PRKN: variants seen among roughly 807,000 people sequenced by gnomAD.
PRKN encodes the protein parkin RBR E3 ubiquitin protein ligase, also known as E3 ubiquitin-protein ligase parkin.
PRKN carries 56 observed loss-of-function variants against 59.5 expected under a neutral mutation model. The ratio of observed to expected loss-of-function variants is 0.94; its 90% CI spans 0.76 to 1.18. The LOEUF is 1.18. Ranked by LOEUF, PRKN falls within the 50% of genes most tolerant of loss-of-function variation. The pLI is 0.00. For missense variants in PRKN, 657 were observed against 596.4 expected (o/e 1.10, Z -1.06); for synonymous variants, 250 against 222.1 (o/e 1.13, Z -1.12).
intron 9 of PRKN, among the ~76,000 whole-genome samples, chr6:161,416,109 T>C (rs1787836448): frequency 6.6e-6 from 1 of 152,158 alleles, no homozygotes; most frequent in South Asian, 2.1e-4. Context: ...ACGGCGCCTA[T>C]GGAAATGCTC....
At chr6:162,146,039 A>T (rs1317231076) in intron 4 of PRKN, among the ~76,000 whole-genome samples, 1 of 152,126 alleles carries the variant, frequency 6.6e-6, no homozygotes, top group Admixed American at 6.5e-5. Flanking sequence ...GGAGTAGCCT[A>T]TGGTCCTTTT....
At chr6:161,555,800 G>A (rs6455735) in intron 8 of PRKN, among the ~76,000 whole-genome samples, 61,813 of 151,758 alleles carry the variant, frequency 0.41, 12,759 homozygotes, top group East Asian at 0.64. Flanking sequence ...AATAGTTTGT[G>A]GACAGTAAAT....
At chr6:162,105,078 C>A (rs1005787561) in intron 4 of PRKN, among the ~76,000 whole-genome samples, 2 of 152,112 alleles carry the variant, frequency 1.3e-5, no homozygotes, top group Non-Finnish European at 2.9e-5. Context: ...GCACTCATCA[C>A]GCATTAGAGT....
intron 6 of PRKN, among the ~76,000 whole-genome samples, chr6:161,868,232 C>T (rs933511832): frequency 1.3e-5 from 2 of 151,284 alleles, no homozygotes; most frequent in Non-Finnish European, 2.9e-5. Context: ...GTATAGTATA[C>T]ACAATTATAA....
At chr6:162,314,322 G>A (rs1341475433) in intron 2 of PRKN, among the ~76,000 whole-genome samples, 2 of 152,142 alleles carry the variant, frequency 1.3e-5, no homozygotes, top group African/African-American at 4.8e-5. Flanking sequence ...CTACATAGAG[G>A]CCAGCTGGTG....
chr6:161,881,031 A>G (rs537606260), intron 6 of PRKN, among the ~76,000 whole-genome samples: 257 of 152,298 alleles, frequency 1.7e-3, no homozygotes, highest in Non-Finnish European at 3.2e-3. Flanking sequence ...TTTCATGTAA[A>G]AATGAAACCT....
At chr6:161,668,172 T>C (rs1313121097) in intron 7 of PRKN, among the ~76,000 whole-genome samples, 1 of 150,576 alleles carries the variant, frequency 6.6e-6, no homozygotes, top group African/African-American at 2.4e-5. Flanking sequence ...CTTACTAAAA[T>C]GTAACAATAT....
intron 4 of PRKN, among the ~76,000 whole-genome samples, chr6:162,105,784 G>A (rs1247832576): frequency 6.6e-6 from 1 of 152,134 alleles, no homozygotes; most frequent in Non-Finnish European, 1.5e-5. Context: ...GAACAATAGA[G>A]CAGTAAAAGA....
chr6:161,450,070 A>T (rs1252669257), intron 9 of PRKN, among the ~76,000 whole-genome samples: 1 of 152,182 alleles, frequency 6.6e-6, no homozygotes, highest in East Asian at 1.9e-4. Context: ...CTCAAAATAC[A>T]TGGGGAACTG....
At chr6:161,867,042 G>C (rs1254453190) in intron 6 of PRKN, among the ~76,000 whole-genome samples, 1 of 152,124 alleles carries the variant, frequency 6.6e-6, no homozygotes, top group Non-Finnish European at 1.5e-5. Flanking sequence ...GATGAGCCTC[G>C]ATTTTGATCC....
chr6:162,402,248 CA>C (rs3081921), intron 2 of PRKN, among the ~76,000 whole-genome samples: 30,041 of 124,922 alleles, frequency 0.24, 2,993 homozygotes, highest in East Asian at 0.37. Flanking sequence ...GACTCTGTCT[CA>C]AAAAAAAAAA....
chr6:162,465,460 G>T (rs1791370924), intron 1 of PRKN, among the ~76,000 whole-genome samples: 1 of 152,152 alleles, frequency 6.6e-6, no homozygotes, highest in Non-Finnish European at 1.5e-5. Context: ...GTGTTTTCAT[G>T]TTAGACATAA....
At chr6:161,609,205 TA>T (rs1381051278) in intron 7 of PRKN, among the ~76,000 whole-genome samples, 3 of 152,338 alleles carry the variant, frequency 2.0e-5, no homozygotes, top group Admixed American at 6.5e-5. Flanking sequence ...TTGAATGTGT[TA>T]AAAATATCTT....
rs1292002640 is a variant in PRKN, at chr6:161,388,232, A to G, written c.1084-1355T>C. 6.6e-6 allele frequency among the ~76,000 whole-genome samples: 1 copy of G among 152,176 alleles called. No homozygotes were observed. The highest frequency in any genetic ancestry group is 1.5e-5 in the Non-Finnish European group (1 of 68,038). On this transcript the variant is annotated intron_variant, in intron 9 of 11. Coordinates refer to ENST00000366898, the MANE Select transcript of PRKN (RefSeq NM_004562.3). This position sits in a 1 kb window ranked among gnomAD's most constrained non-coding sequence, Gnocchi z 4.3. ...TGGTTTCCACCTTGGAAATGCTAGG[A>G]TAACAGCGATAGCTTTCTCATATGA...
intron 2 of PRKN, among the ~76,000 whole-genome samples, chr6:162,367,295 C>G (rs1785495273): frequency 6.6e-6 from 1 of 152,132 alleles, no homozygotes; most frequent in African/African-American, 2.4e-5. Context: ...AACCTCTTTC[C>G]TTTATTAATT....
intron 2 of PRKN, among the ~76,000 whole-genome samples, chr6:162,359,847 G>C (rs1000608015): frequency 6.6e-6 from 1 of 152,058 alleles, no homozygotes; most frequent in Non-Finnish European, 1.5e-5. Flanking sequence ...CTTCACTGTG[G>C]CATCCTCTCT....
intron 5 of PRKN, among the ~76,000 whole-genome samples, chr6:161,976,808 A>C (rs1477139495): frequency 6.6e-6 from 1 of 152,268 alleles, no homozygotes; most frequent in Admixed American, 6.5e-5. Flanking sequence ...TTTCATATAC[A>C]GATAAATAGA....
chr6:161,474,533 G>C (rs1245681060), intron 9 of PRKN, among the ~76,000 whole-genome samples: 1 of 152,012 alleles, frequency 6.6e-6, no homozygotes, highest in Admixed American at 6.5e-5. Flanking sequence ...GAGAATCACA[G>C]ATATCTTCGT....
At chr6:161,737,792 G>A (rs1788025992) in intron 7 of PRKN, among the ~76,000 whole-genome samples, 1 of 152,196 alleles carries the variant, frequency 6.6e-6, no homozygotes, top group African/African-American at 2.4e-5. Context: ...CACTCAAAAA[G>A]CAATCGCTGT....
Sources: gnomAD v4.1 joint callset for allele counts (sites outside exome capture counted in the v4.1 genomes callset) on GRCh38, gnomAD v4.1.1 for gene constraint, Gnocchi (gnomAD v3.1) non-coding constraint, MANE v1.5 for transcripts, NCBI Gene and HGNC (gene_info 2026-07-23, HGNC 2026-07-21) for gene names.